Variants in LAMA2 observed in about 807,000 individuals in gnomAD.
LAMA2 encodes laminin subunit alpha-2.
In LAMA2, 269 loss-of-function variants were observed where a neutral mutation model predicts 364.8. That is an observed-to-expected ratio of 0.74 (90% CI 0.67 to 0.82). The LOEUF (loss-of-function observed/expected upper bound fraction) is 0.82. LAMA2 is among the 40% of genes least tolerant of loss of function. The probability of loss-of-function intolerance (pLI) is 0.00; values close to 1 mark genes in which losing one functional copy is unlikely to be tolerated. For missense variants in LAMA2, 3,807 were observed against 3,873.2 expected (o/e 0.98, Z 0.45); for synonymous variants, 1,379 against 1,370.6 (o/e 1.01, Z -0.14).
intron 1 of LAMA2, among the ~76,000 whole-genome samples, chr6:128,948,990 C>T (rs1780647307): frequency 6.6e-6 from 1 of 152,168 alleles, no homozygotes; most frequent in South Asian, 2.1e-4. Flanking sequence ...TGGCTTAACA[C>T]TGTGATATTT....
intron 32 of LAMA2, among the ~76,000 whole-genome samples, chr6:129,359,857 A>G (rs916735401): frequency 6.6e-6 from 1 of 152,078 alleles, no homozygotes; most frequent in South Asian, 2.1e-4. Context: ...GTTATTATGC[A>G]TGGGGAATCC....
chr6:129,289,026 A>G (rs1276568118), intron 19 of LAMA2, among the ~76,000 whole-genome samples: 1 of 152,208 alleles, frequency 6.6e-6, no homozygotes, highest in Non-Finnish European at 1.5e-5. Context: ...AAGACCCAGT[A>G]GGGTACCCTA....
In LAMA2 at chr6:128,914,353, G is replaced by T. The variant is rs1778171252; in HGVS notation, c.112+30996G>T. On this transcript the variant is annotated intron_variant, in intron 1 of 64. Coordinates refer to ENST00000421865, the MANE Select transcript of LAMA2 (RefSeq NM_000426.4). ...AATGTAATTTTGCACTTTAGAAAAT[G>T]TCTGCATGTTTATTAGAGAAGTGAA... 2.0e-5 allele frequency among the ~76,000 whole-genome samples: 3 copies of T among 152,156 alleles called. No homozygotes were observed. In the South Asian group the frequency reaches 6.2e-4, roughly 31 times the overall value.
At chr6:129,426,780 C>G (rs1781346379) in intron 40 of LAMA2, among the ~76,000 whole-genome samples, 1 of 152,132 alleles carries the variant, frequency 6.6e-6, no homozygotes, top group African/African-American at 2.4e-5. Flanking sequence ...ATACCAAGTT[C>G]TGTAATCTTT....
chr6:129,158,471 A>G, intron 8 of LAMA2: 1 of 1,613,968 alleles, frequency 6.2e-7, no homozygotes, highest in Non-Finnish European at 8.5e-7. Flanking sequence ...CAGACCCACT[A>G]CCAGAACTTT....
At chr6:129,222,237 A>G (rs994258219) in intron 12 of LAMA2, among the ~76,000 whole-genome samples, 1 of 152,178 alleles carries the variant, frequency 6.6e-6, no homozygotes, top group Non-Finnish European at 1.5e-5. Context: ...CAATGATGAT[A>G]GTATATCATA....
chr6:129,389,162 T>C (rs1029452108), intron 35 of LAMA2, among the ~76,000 whole-genome samples: 1 of 152,188 alleles, frequency 6.6e-6, no homozygotes, highest in African/African-American at 2.4e-5. Context: ...CCACCCTCAC[T>C]AACTTCTAGG....
intron 1 of LAMA2, among the ~76,000 whole-genome samples, chr6:128,930,195 C>T (rs926377738): frequency 2.0e-5 from 3 of 152,210 alleles, no homozygotes; most frequent in African/African-American, 7.2e-5. Context: ...GGGAAGTGCC[C>T]GGGTGTGCTG....
At chr6:128,980,036 CTT>C (rs1299509401) in intron 1 of LAMA2, among the ~76,000 whole-genome samples, 1 of 152,126 alleles carries the variant, frequency 6.6e-6, no homozygotes, top group Non-Finnish European at 1.5e-5. Context: ...AAACAACAAA[CTT>C]TTTTCTCCCA....
chr6:128,983,073 A>T (rs1749101593), intron 1 of LAMA2, among the ~76,000 whole-genome samples: 1 of 151,704 alleles, frequency 6.6e-6, no homozygotes, highest in Non-Finnish European at 1.5e-5. Context: ...CAATAAACAT[A>T]CGTGTGCATG....
At chr6:129,479,772 G>T (rs1163346548) in intron 54 of LAMA2, 2 of 152,120 alleles carry the variant, frequency 1.3e-5, no homozygotes, top group African/African-American at 4.8e-5. Context: ...GAATGATGAG[G>T]TTTAAAGACT....
intron 3 of LAMA2, among the ~76,000 whole-genome samples, chr6:129,093,765 G>A (rs972685802): frequency 3.3e-5 from 5 of 152,198 alleles, no homozygotes; most frequent in African/African-American, 1.2e-4. Flanking sequence ...CCTTTGTTAT[G>A]TAAATTGTCA....
Position 129,353,365 on chromosome 6 carries a change from T to C in LAMA2, c.4717+8T>C. 1 of 1,611,918 alleles carries C rather than the reference T, an allele frequency of 6.2e-7. No homozygotes were observed. The highest frequency in any genetic ancestry group is 1.1e-5 in the South Asian group (1 of 91,012). On this transcript the variant is annotated splice_region_variant and intron_variant, in intron 32 of 64. Transcript: ENST00000421865. Reference sequence around the variant, plus strand: ...AGGGCTGGGAGTGTGTTTGTACGTATACTAACTTTGCTGTTAGTTTTGGAG... The same window carrying C: ...AGGGCTGGGAGTGTGTTTGTACGTACACTAACTTTGCTGTTAGTTTTGGAG...
At chr6:129,152,033 T>G (rs1290085533) in intron 7 of LAMA2, among the ~76,000 whole-genome samples, 1 of 152,208 alleles carries the variant, frequency 6.6e-6, no homozygotes, top group Non-Finnish European at 1.5e-5. Flanking sequence ...GTCAGCAGGT[T>G]GGGAAAGGTA....
chr6:129,291,291 G>GTGGACT (rs1562422737), intron 19 of LAMA2, among the ~76,000 whole-genome samples: 2 of 152,302 alleles, frequency 1.3e-5, no homozygotes, highest in Non-Finnish European at 2.9e-5. Flanking sequence ...CAGCAGGCAT[G>GTGGACT]TGGACTTGTA....
intron 1 of LAMA2, among the ~76,000 whole-genome samples, chr6:128,892,643 C>A (rs77489371): frequency 4.5e-4 from 68 of 151,964 alleles, no homozygotes; most frequent in African/African-American, 1.6e-3. Flanking sequence ...TTAATTTCAG[C>A]ATGGCCTTCA....
At chr6:129,336,348 G>T (rs967730270) in intron 29 of LAMA2, among the ~76,000 whole-genome samples, 8 of 152,088 alleles carry the variant, frequency 5.3e-5, no homozygotes, top group African/African-American at 1.9e-4. Context: ...CTAAGTGCTA[G>T]GTTTACTGTA....
chr6:129,288,004 G>A lies in LAMA2; in HGVS notation c.2695G>A (p.Glu899Lys). ...CKPGTTGRYC[E>K]LCADGYFGDA... ...ACCAGGTACAACAGGCCGGTACTGT[G>A]AGCTCTGTGCTGATGGATATTTTGG... The change falls in exon 19 of 65, where the codon GAG becomes AAG. Residue 899 changes from glutamate (E) to lysine (K), a missense_variant. Coordinates refer to ENST00000421865, the MANE Select transcript of LAMA2 (RefSeq NM_000426.4). 1 of 1,614,120 alleles carries A rather than the reference G, an allele frequency of 6.2e-7. No homozygotes were observed. The highest frequency in any genetic ancestry group is 8.5e-7 in the Non-Finnish European group (1 of 1,179,966).
intron 1 of LAMA2, among the ~76,000 whole-genome samples, chr6:128,972,510 A>G (rs992454163): frequency 6.6e-6 from 1 of 152,214 alleles, no homozygotes; most frequent in African/African-American, 2.4e-5. Flanking sequence ...CAAATGATAG[A>G]CATTACTTCC....
Sources: gnomAD v4.1 joint callset for allele counts (sites outside exome capture counted in the v4.1 genomes callset) on GRCh38, gnomAD v4.1.1 for gene constraint, MANE v1.5 for transcripts, NCBI Gene and HGNC (gene_info 2026-07-23, HGNC 2026-07-21) for gene names.